The following PYGM variants were observed in gnomAD, a reference collection of about 807,000 sequenced individuals.
PYGM encodes glycogen phosphorylase, muscle associated, also known as glycogen phosphorylase, muscle form.
In PYGM, 81 loss-of-function variants were observed where a neutral mutation model predicts 99.3. The observed-to-expected ratio is 0.82, with a 90% confidence interval of 0.68 to 0.98. The LOEUF is 0.98. PYGM is among the 50% of genes least tolerant of loss of function. The pLI, the probability that PYGM is intolerant of heterozygous loss-of-function variation, is 0.00. For missense variants in PYGM, 1,030 were observed against 1,158.1 expected, an observed-to-expected ratio of 0.89 and a Z score of 1.61; for synonymous variants, 436 against 451.5, an observed-to-expected ratio of 0.97 and a Z score of 0.44.
rs760751053 is a variant in PYGM, at chr11:64,758,592, C to T, written c.345+11G>A. ...CCCCAGTCCCCACGGCTTGCCCCACCCCACACACACCTGGTAGGTGGCCTC... is the reference window on the plus strand; with the variant it reads ...CCCCAGTCCCCACGGCTTGCCCCACTCCACACACACCTGGTAGGTGGCCTC... On this transcript the variant is annotated intron_variant, in intron 2 of 19. Coordinates refer to ENST00000164139, the MANE Select transcript of PYGM (RefSeq NM_005609.4). 1 of 1,613,284 alleles carries T rather than the reference C, an allele frequency of 6.2e-7. No individual in the cohort carries two copies. The highest frequency in any genetic ancestry group is 8.5e-7 in the Non-Finnish European group (1 of 1,179,290).
chr11:64,751,524 C>T lies in PYGM; in HGVS notation c.1828-58G>A. The T allele has an allele frequency of 1.9e-6, 3 of 1,614,154 alleles. No homozygotes were observed. In the East Asian group the frequency reaches 6.7e-5, roughly 36 times the overall value. On this transcript the variant is annotated intron_variant, in intron 15 of 19. Coordinates refer to ENST00000164139, the MANE Select transcript of PYGM (RefSeq NM_005609.4). ...GCCTGGCCCCCCACCCCCTATCCTG[C>T]AACTCAGCTGGGCTGACCTCAACCT...
In PYGM at chr11:64,751,619, C is replaced by T. The variant is rs373190458; in HGVS notation, c.1805G>A (p.Arg602Gln). Residue 602 changes from arginine to glutamine, a missense_variant, in exon 15 of 20, where the codon CGG becomes CAG. Transcript: ENST00000164139. ...KREPNKFFVP[R>Q]TVMIGGKAAP... Reference sequence around the variant, plus strand: ...CACCTTCCCTCCAATCATCACAGTCCGAGGCACAAAAAACTTATTGGGCTC... The same window carrying T: ...CACCTTCCCTCCAATCATCACAGTCTGAGGCACAAAAAACTTATTGGGCTC... 9.2e-5 allele frequency: 149 copies of T among 1,613,856 alleles called. No individual in the cohort carries two copies. Among genetic ancestry groups the T allele is most frequent in the South Asian group, 1.3e-4 (12 of 91,084 alleles).
chr11:64,759,594 G>A (rs2058419239), intron 1 of PYGM, 62 bp downstream of exon 1: 7 of 1,603,028 alleles, frequency 4.4e-6, no homozygotes, highest in Non-Finnish European at 5.9e-6. Context: ...CTTAAGTCAA[G>A]ATCGCCAGCT....
intron 13 of PYGM, 26 bp downstream of exon 13, chr11:64,752,377 C>T (rs768190380): frequency 6.2e-7 from 1 of 1,605,796 alleles, no homozygotes; most frequent in Non-Finnish European, 8.5e-7. Flanking sequence ...CACAGCACAG[C>T]TGTCCCACAT....
In PYGM at chr11:64,746,598, T is replaced by C; in HGVS notation, c.*61A>G. Reference sequence around the variant, plus strand: ...GTACCCCACCCTCTGCATGAGGTGCTGGGGCTGGCCCAAGAGAGTGTGACA... The same window carrying C: ...GTACCCCACCCTCTGCATGAGGTGCCGGGGCTGGCCCAAGAGAGTGTGACA... On this transcript the variant is annotated 3_prime_UTR_variant, in exon 20 of 20. Coordinates refer to ENST00000164139, the MANE Select transcript of PYGM (RefSeq NM_005609.4). 6.2e-7 allele frequency: 1 copy of C among 1,607,922 alleles called. No homozygotes were observed. Among genetic ancestry groups the C allele is most frequent in the South Asian group, 1.1e-5 (1 of 90,978 alleles).
At chr11:64,750,708 C>A in intron 16 of PYGM, 125 bp from the exon 17 acceptor site, 1 of 845,896 alleles carries the variant, frequency 1.2e-6, no homozygotes, top group South Asian at 1.6e-5. Flanking sequence ...AACTCCCAGT[C>A]TTCACCAGCC....
chr11:64,750,714 C>A, intron 16 of PYGM, 131 bp from the exon 17 acceptor site: 1 of 807,634 alleles, frequency 1.2e-6, no homozygotes, highest in Non-Finnish European at 2.0e-6. Flanking sequence ...CAGTCTTCAC[C>A]AGCCAAGCCT....
intron 5 of PYGM, among the ~76,000 whole-genome samples, chr11:64,756,974 A>AT (rs915391493): frequency 1.4e-4 from 21 of 150,020 alleles, no homozygotes; most frequent in Non-Finnish European, 2.4e-4. Context: ...AATTTTTTAA[A>AT]TTTTTTTTTT....
rs2058319119 is a variant in PYGM, at chr11:64,747,228, C to T, written c.2308G>A (p.Asp770Asn). 1 of 1,613,996 alleles carries T rather than the reference C, an allele frequency of 6.2e-7. No homozygotes were observed. The highest frequency in any genetic ancestry group is 1.7e-5 in the Admixed American group (1 of 60,014). ...KDIVNMLMHH[D>N]RFKVFADYED... ...TTCCCGGGCCAACCAGCTCACCGGTCATGGTGCATGAGCATATTGACAATG... is the reference window on the plus strand; with the variant it reads ...TTCCCGGGCCAACCAGCTCACCGGTTATGGTGCATGAGCATATTGACAATG... Residue 770 changes from aspartate (D) to asparagine (N), a missense_variant, in exon 18 of 20, where the codon GAC (aspartate) becomes AAC (asparagine). By Grantham distance (23) the Asp-to-Asn change is conservative. Transcript: ENST00000164139.
rs1243928315 is a variant in PYGM, at chr11:64,754,734, G to A, written c.958C>T (p.Arg320Cys). The change falls in exon 8 of 20, where the codon CGT (arginine) becomes TGT (cysteine). Residue 320 changes from arginine (R) to cysteine (C), a missense_variant. Arg to Cys is a radical substitution (Grantham distance 180). Coordinates refer to ENST00000164139, the MANE Select transcript of PYGM (RefSeq NM_005609.4). The surrounding 1 kb of genome is among the most constrained non-coding windows in gnomAD (Gnocchi z 5.5). The part of the protein sequence containing the change: ...RRFKSSKFGC[R>C]DPVRTNFDAF... ...TCGAAGTTCGTGCGCACGGGATCAC[G>A]GCAGCCGAACTTGGAAGACTTGAAG... The A allele has an allele frequency of 8.7e-6, 14 of 1,613,644 alleles. No homozygotes were observed. Among genetic ancestry groups the A allele is most frequent in the South Asian group, 2.2e-5 (2 of 91,060 alleles).
At chr11:64,756,192 G>A (rs149016252) in intron 5 of PYGM, among the ~76,000 whole-genome samples, 10 of 152,352 alleles carry the variant, frequency 6.6e-5, no homozygotes, top group Admixed American at 2.0e-4. Flanking sequence ...GACACAGAGA[G>A]AGGGAAGGGA....
At chr11:64,751,198 T>C in intron 16 of PYGM, 127 bp downstream of exon 16, 1 of 1,412,370 alleles carries the variant, frequency 7.1e-7, no homozygotes, top group Non-Finnish European at 9.7e-7. Flanking sequence ...GGCCTCCTCA[T>C]GGTTTAAGCA....
chr11:64,747,027 G>A, intron 18 of PYGM, 40 bp from the exon 19 acceptor site: 1 of 1,607,136 alleles, frequency 6.2e-7, no homozygotes, highest in Admixed American at 1.7e-5. Flanking sequence ...TCCTTTAGGG[G>A]GCTAGGATAA....
At chr11:64,760,116 G>C, upstream of PYGM, 1 of 717,472 alleles carries the variant, frequency 1.4e-6, no homozygotes, top group Non-Finnish European at 2.2e-6. Context: ...AGGGAGAGGT[G>C]AGCTCCACTT....
In PYGM at chr11:64,759,656, C is replaced by T. The variant is rs2058420115; in HGVS notation, c.243G>A (p.Lys81=). 1.2e-6 allele frequency: 2 copies of T among 1,613,660 alleles called. No individual in the cohort carries two copies. The highest frequency in any genetic ancestry group is 1.7e-5 in the Admixed American group (1 of 60,024). Residue 81 remains lysine (K), a splice_region_variant and synonymous_variant, in exon 1 of 20, where the codon AAG becomes AAA. Coordinates refer to ENST00000164139, the MANE Select transcript of PYGM (RefSeq NM_005609.4). ...TQQHYYEKDP[K]RIYYLSLEFY... ...CCCACCCCAGGCTCCCCAGCAGCAC[C>T]TTGGGGTCCTTCTCATAGTAGTGCT...
chr11:64,752,082 A>C lies in PYGM; in HGVS notation c.1621-11T>G, dbSNP rs1291486654. 2.5e-6 allele frequency: 4 copies of C among 1,613,934 alleles called. No homozygotes were observed. Among genetic ancestry groups the C allele is most frequent in the African/African-American group, 1.3e-5 (1 of 74,888 alleles). ...CTTCAACTTGTTTTCCTGGAGGCAG[A>C]GACGGGGAAGGGCTCACCAACAGGC... On this transcript the variant is annotated splice_polypyrimidine_tract_variant and intron_variant, in intron 13 of 19. Coordinates refer to ENST00000164139, the MANE Select transcript of PYGM (RefSeq NM_005609.4).
chr11:64,750,875 G>A (rs963587443), intron 16 of PYGM, among the ~76,000 whole-genome samples: 3 of 152,124 alleles, frequency 2.0e-5, no homozygotes, highest in Non-Finnish European at 2.9e-5. Flanking sequence ...ATCCTCATGG[G>A]GTTTTTGCTT....
chr11:64,749,120 G>A (rs1283232159), intron 17 of PYGM, among the ~76,000 whole-genome samples: 1 of 151,836 alleles, frequency 6.6e-6, no homozygotes, highest in Non-Finnish European at 1.5e-5. Context: ...GCCGAGGAGG[G>A]TGGATCACCT....
At chr11:64,747,776 C>G in intron 17 of PYGM, 1 of 299,586 alleles carries the variant, frequency 3.3e-6, no homozygotes, top group South Asian at 3.1e-5. Context: ...TGGTGGCTCA[C>G]GCCTGTAATC....
Sources: allele counts gnomAD v4.1 joint callset (sites outside exome capture counted in the v4.1 genomes callset), GRCh38; gene constraint gnomAD v4.1.1; non-coding constraint Gnocchi (gnomAD v3.1); transcripts MANE v1.5; gene names NCBI Gene and HGNC (gene_info 2026-07-23, HGNC 2026-07-21).